EDAR: variants seen among roughly 807,000 people sequenced by gnomAD.
EDAR encodes ectodysplasin A receptor.
A neutral mutation model predicts 51.3 loss-of-function variants in EDAR; 38 were observed. The observed-to-expected ratio is 0.74, with a 90% confidence interval of 0.57 to 0.97. The LOEUF is 0.97. Among genes scored for constraint, EDAR ranks in the 50% least tolerant of loss-of-function variants. The pLI, the probability that EDAR is intolerant of heterozygous loss-of-function variation, is 0.00. For synonymous variants in EDAR, 227 were observed against 242.1 expected (o/e 0.94, Z 0.58); for missense variants, 528 against 595.0 (o/e 0.89, Z 1.17).
intron 1 of EDAR, among the ~76,000 whole-genome samples, chr2:108,985,292 G>A (rs1410473017): frequency 6.6e-6 from 1 of 152,308 alleles, no homozygotes; most frequent in Non-Finnish European, 1.5e-5. Flanking sequence ...AGAGTAACGT[G>A]ACTGTGGTTG....
chr2:108,978,470 G>T (rs1698367035), intron 1 of EDAR, among the ~76,000 whole-genome samples: 1 of 152,210 alleles, frequency 6.6e-6, no homozygotes, highest in Non-Finnish European at 1.5e-5. Flanking sequence ...CGCCTCAAGA[G>T]TTTTGCAACG....
At chr2:108,924,355 G>A (rs4676045) in intron 4 of EDAR, among the ~76,000 whole-genome samples, 1 of 152,162 alleles carries the variant, frequency 6.6e-6, no homozygotes, top group Non-Finnish European at 1.5e-5. Flanking sequence ...CAGCTCGGGC[G>A]CCTTCCCTCT....
chr2:108,900,371 C>G (rs997769708), intron 11 of EDAR, among the ~76,000 whole-genome samples: 12 of 152,142 alleles, frequency 7.9e-5, no homozygotes, highest in Non-Finnish European at 1.8e-4. Flanking sequence ...GCCTGGTCAA[C>G]ACGGTGAAAC....
chr2:108,983,992 C>T (rs540241785), intron 1 of EDAR, among the ~76,000 whole-genome samples: 6 of 152,308 alleles, frequency 3.9e-5, no homozygotes, highest in African/African-American at 7.2e-5. Flanking sequence ...GCAAGGGGGG[C>T]GACGGCGATG....
At chr2:108,962,370 G>C (rs532180486) in intron 1 of EDAR, among the ~76,000 whole-genome samples, 11 of 152,120 alleles carry the variant, frequency 7.2e-5, no homozygotes, top group Non-Finnish European at 2.9e-5. Context: ...TAGCCAATAA[G>C]TGATGAAAAA....
At chr2:108,949,693 G>A (rs1424152168) in intron 1 of EDAR, among the ~76,000 whole-genome samples, 1 of 152,186 alleles carries the variant, frequency 6.6e-6, no homozygotes, top group East Asian at 1.9e-4. Context: ...CATCCAACCA[G>A]AGAGGCCACT....
intron 1 of EDAR, among the ~76,000 whole-genome samples, chr2:108,962,725 G>A (rs2104410012): frequency 6.6e-6 from 1 of 150,826 alleles, no homozygotes; most frequent in East Asian, 1.9e-4. Flanking sequence ...GCAATTCAAG[G>A]GCCTCCCATG....
chr2:108,950,125 A>G (rs1482969151), intron 1 of EDAR, among the ~76,000 whole-genome samples: 1 of 152,192 alleles, frequency 6.6e-6, no homozygotes, highest in African/African-American at 2.4e-5. Context: ...ACACATAGGG[A>G]CATGTTCAGC....
intron 9 of EDAR, among the ~76,000 whole-genome samples, chr2:108,908,426 A>G (rs1696854263): frequency 6.6e-6 from 1 of 152,188 alleles, no homozygotes; most frequent in African/African-American, 2.4e-5. Context: ...ATGTTAAGCA[A>G]ACAGATTGAT....
chr2:108,897,983 C>G (rs1286878455), intron 11 of EDAR, among the ~76,000 whole-genome samples: 2 of 152,172 alleles, frequency 1.3e-5, no homozygotes, highest in Non-Finnish European at 2.9e-5. Context: ...AAATTCCAGA[C>G]ATGGGGCAGA....
chr2:108,958,874 G>T (rs1351484768), intron 1 of EDAR, among the ~76,000 whole-genome samples: 1 of 151,238 alleles, frequency 6.6e-6, no homozygotes, highest in Admixed American at 6.6e-5. Flanking sequence ...GCTGGGAAAA[G>T]GCACCAAGTT....
At position 108,960,460 on chromosome 2, in the gene EDAR, A is replaced by C. The variant is rs1053043973; in HGVS notation, c.-19+28500T>G. Among the ~76,000 whole-genome samples, 65 of 152,326 alleles carry C rather than the reference A, an allele frequency of 4.3e-4. 1 individual carries two copies. The highest frequency in any genetic ancestry group is 3.4e-3 in the Middle Eastern group (1 of 294). On this transcript the variant is annotated intron_variant, in intron 1 of 11. Transcript: ENST00000258443. ...CAGAATTTCTCAGATCAGGCAAAGA[A>C]TAAGTATAATCTGGAATGTTTGGAA... is the stretch of plus-strand genomic sequence containing the variant.
At chr2:108,954,857 T>G (rs1168797616) in intron 1 of EDAR, among the ~76,000 whole-genome samples, 3 of 152,044 alleles carry the variant, frequency 2.0e-5, no homozygotes, top group Admixed American at 6.6e-5. Context: ...TGTATACATG[T>G]ATTTTTAATT....
At chr2:108,936,448 T>C (rs1408905045) in intron 1 of EDAR, among the ~76,000 whole-genome samples, 2 of 149,922 alleles carry the variant, frequency 1.3e-5, no homozygotes, top group Non-Finnish European at 3.0e-5. Context: ...GGCAACTGCC[T>C]GTGTCTGGGA....
chr2:108,942,823 C>A (rs900950227), intron 1 of EDAR, among the ~76,000 whole-genome samples: 12 of 152,234 alleles, frequency 7.9e-5, no homozygotes, highest in African/African-American at 2.9e-4. Context: ...TCAACAGCAG[C>A]AACAAAAACA....
At chr2:108,910,405 T>C in intron 9 of EDAR, 55 bp downstream of exon 9, 1 of 1,450,438 alleles carries the variant, frequency 6.9e-7, no homozygotes, top group Non-Finnish European at 9.7e-7. Context: ...TTCCCCTCCC[T>C]GCTCAGGATC....
intron 4 of EDAR, among the ~76,000 whole-genome samples, chr2:108,925,111 C>T (rs1226689984): frequency 2.6e-5 from 4 of 151,280 alleles, no homozygotes; most frequent in East Asian, 4.0e-4. Context: ...CTGGGAGGCC[C>T]TCCAGGGCAA....
intron 11 of EDAR, among the ~76,000 whole-genome samples, chr2:108,898,233 G>C (rs983758216): frequency 6.6e-6 from 1 of 152,202 alleles, no homozygotes; most frequent in African/African-American, 2.4e-5. Context: ...CACTGTGCCA[G>C]GTGGTGTCAG....
chr2:108,956,843 C>G (rs1211625915), intron 1 of EDAR, among the ~76,000 whole-genome samples: 1 of 151,596 alleles, frequency 6.6e-6, no homozygotes, highest in Non-Finnish European at 1.5e-5. Context: ...GGCTACAGTG[C>G]AATGGCACGA....
Sources: allele counts gnomAD v4.1 joint callset (sites outside exome capture counted in the v4.1 genomes callset), GRCh38; gene constraint gnomAD v4.1.1; transcripts MANE v1.5; gene names NCBI Gene and HGNC (gene_info 2026-07-23, HGNC 2026-07-21).